SHISA9: variants seen among roughly 807,000 people sequenced by gnomAD.
The protein encoded by SHISA9 is shisa family member 9, also known as protein shisa-9.
SHISA9 carries 13 observed loss-of-function variants against 38.0 expected under a neutral mutation model. The observed-to-expected ratio is 0.34, with a 90% CI of 0.22 to 0.54. The LOEUF is 0.54. SHISA9 is among the 20% of genes least tolerant of loss of function. The pLI, the probability that SHISA9 is intolerant of heterozygous loss-of-function variation, is 0.91. For synonymous variants in SHISA9, 275 were observed against 242.0 expected, an observed-to-expected ratio of 1.14 and a Z score of -1.27; for missense variants, 538 against 575.8, an observed-to-expected ratio of 0.93 and a Z score of 0.67.
At chr16:13,518,491 G>A in the SHISA9 span, among the ~76,000 whole-genome samples, 2 of 152,018 alleles carry the variant, frequency 1.3e-5, no homozygotes, top group Non-Finnish European at 2.9e-5. Context: ...AATCTATCTT[G>A]CTGATTTCCC....
At chr16:13,381,276 G>T in the SHISA9 span, among the ~76,000 whole-genome samples, 1 of 152,136 alleles carries the variant, frequency 6.6e-6, no homozygotes, top group African/African-American at 2.4e-5. Context: ...GAAATAAAGG[G>T]TTCCTAGCAA....
chr16:13,291,470 C>T, the SHISA9 span, among the ~76,000 whole-genome samples: 1 of 152,160 alleles, frequency 6.6e-6, no homozygotes, highest in Non-Finnish European at 1.5e-5. Flanking sequence ...CAAAATAACC[C>T]ACTAACTTCA....
At chr16:13,075,601 C>G (rs1279180662) in intron 2 of SHISA9, among the ~76,000 whole-genome samples, 2 of 152,180 alleles carry the variant, frequency 1.3e-5, no homozygotes, top group African/African-American at 4.8e-5. Context: ...ATTTGCTGAG[C>G]AGGAGCGGCC....
the SHISA9 span, among the ~76,000 whole-genome samples, chr16:13,492,512 T>C: frequency 6.6e-6 from 1 of 152,198 alleles, no homozygotes; most frequent in Non-Finnish European, 1.5e-5. Flanking sequence ...GACATCATCT[T>C]ATCTCACCTC....
intron 2 of SHISA9, among the ~76,000 whole-genome samples, chr16:13,066,645 C>T (rs550037988): frequency 1.3e-5 from 2 of 152,308 alleles, no homozygotes; most frequent in South Asian, 4.1e-4. Context: ...TTAACCATGC[C>T]TGCCTCATAA....
chr16:13,053,496 A>G (rs901244400), intron 2 of SHISA9, among the ~76,000 whole-genome samples: 1 of 152,166 alleles, frequency 6.6e-6, no homozygotes, highest in African/African-American at 2.4e-5. Context: ...CTCTTAAATA[A>G]TGCAAATCAG....
At chr16:12,968,504 A>C (rs1433643756) in intron 2 of SHISA9, among the ~76,000 whole-genome samples, 1 of 152,238 alleles carries the variant, frequency 6.6e-6, no homozygotes, top group African/African-American at 2.4e-5. Flanking sequence ...CCAAACTGGA[A>C]ACAACTAAAA....
intron 2 of SHISA9, among the ~76,000 whole-genome samples, chr16:13,132,874 C>T (rs1017490146): frequency 6.6e-6 from 1 of 152,166 alleles, no homozygotes; most frequent in Non-Finnish European, 1.5e-5. Context: ...AGGGATGGCT[C>T]AGAACTTCTA....
intron 2 of SHISA9, among the ~76,000 whole-genome samples, chr16:13,037,060 AC>A (rs2073077084): frequency 9.1e-5 from 1 of 10,978 alleles, no homozygotes; most frequent in Non-Finnish European, 2.2e-4. Context: ...GGGAATGATC[AC>A]ACACACACAC....
the SHISA9 span, among the ~76,000 whole-genome samples, chr16:13,368,344 A>G: frequency 6.6e-6 from 1 of 152,170 alleles, no homozygotes; most frequent in African/African-American, 2.4e-5. Context: ...GGGGTTCAAC[A>G]GACTAACCTT....
the SHISA9 span, among the ~76,000 whole-genome samples, chr16:13,523,982 A>C: frequency 6.6e-6 from 1 of 152,196 alleles, no homozygotes; most frequent in Admixed American, 6.5e-5. Flanking sequence ...ATAAATGGGG[A>C]AACTGAGGCT....
the SHISA9 span, chr16:13,331,313 T>A: frequency 2.6e-5 from 4 of 152,076 alleles, no homozygotes; most frequent in African/African-American, 9.7e-5. Context: ...CAAAAAAAGT[T>A]AATGGCTGCC....
At chr16:13,071,490 G>A (rs146799183) in intron 2 of SHISA9, among the ~76,000 whole-genome samples, 63 of 151,782 alleles carry the variant, frequency 4.2e-4, no homozygotes, top group African/African-American at 1.5e-3. Flanking sequence ...ATGCAGCCTC[G>A]ATTTTAACCC....
the SHISA9 span, among the ~76,000 whole-genome samples, chr16:13,325,803 G>A: frequency 6.6e-6 from 1 of 151,826 alleles, no homozygotes; most frequent in Non-Finnish European, 1.5e-5. Flanking sequence ...CACAGGAACA[G>A]AAAACAAAAC....
At chr16:13,211,222 G>T (rs779418783) in intron 3 of SHISA9, among the ~76,000 whole-genome samples, 6 of 151,522 alleles carry the variant, frequency 4.0e-5, no homozygotes, top group African/African-American at 1.5e-4. Context: ...ACTTGAACCC[G>T]GGGGGCAGTG....
intron 2 of SHISA9, among the ~76,000 whole-genome samples, chr16:13,072,208 A>T (rs1055321962): frequency 6.6e-6 from 1 of 152,252 alleles, no homozygotes; most frequent in Non-Finnish European, 1.5e-5. Flanking sequence ...TGAGGTTGAG[A>T]AGCGGTGGCT....
the SHISA9 span, among the ~76,000 whole-genome samples, chr16:13,271,786 G>T: frequency 6.6e-6 from 1 of 151,950 alleles, no homozygotes; most frequent in Non-Finnish European, 1.5e-5. Context: ...GGGTGTGTGT[G>T]TGAGAATGTT....
chr16:13,378,356 G>T, the SHISA9 span, among the ~76,000 whole-genome samples: 1 of 152,162 alleles, frequency 6.6e-6, no homozygotes, highest in Non-Finnish European at 1.5e-5. Flanking sequence ...TCTCCATGTG[G>T]TGGCAGGATG....
intron 2 of SHISA9, among the ~76,000 whole-genome samples, chr16:12,946,563 A>G (rs1451991586): frequency 6.6e-6 from 1 of 152,234 alleles, no homozygotes; most frequent in Non-Finnish European, 1.5e-5. Flanking sequence ...CAGCTTGATA[A>G]CAGAGAAAGT....
Sources: gnomAD v4.1 joint callset for allele counts (sites outside exome capture counted in the v4.1 genomes callset) on GRCh38, gnomAD v4.1.1 for gene constraint, MANE v1.5 for transcripts, NCBI Gene and HGNC (gene_info 2026-07-23, HGNC 2026-07-21) for gene names.